Variants in TMTC1 observed in about 807,000 individuals in gnomAD.
TMTC1 encodes transmembrane O-mannosyltransferase targeting cadherins 1, also known as protein O-mannosyl-transferase TMTC1.
TMTC1 carries 73 observed loss-of-function variants against 104.8 expected under a neutral mutation model. The observed-to-expected ratio is 0.70, with a 90% CI of 0.58 to 0.85. The LOEUF is 0.85. Among genes scored for constraint, TMTC1 ranks in the 40% least tolerant of loss-of-function variants. The pLI, the probability that TMTC1 is intolerant of heterozygous loss-of-function variation, is 0.00. For missense variants in TMTC1, 1,035 were observed against 1,096.1 expected, an observed-to-expected ratio of 0.94 and a Z score of 0.79; for synonymous variants, 434 against 428.7, an observed-to-expected ratio of 1.01 and a Z score of -0.15.
At chr12:29,520,787 T>G in intron 11 of TMTC1, 67 bp from the exon 12 acceptor site, 1 of 1,311,978 alleles carries the variant, frequency 7.6e-7, no homozygotes, top group Non-Finnish European at 1.1e-6. Flanking sequence ...AACTGAATAT[T>G]AGGAGCAGGA....
intron 5 of TMTC1, among the ~76,000 whole-genome samples, chr12:29,726,165 C>T (rs1489955037): frequency 1.3e-5 from 2 of 152,164 alleles, no homozygotes; most frequent in South Asian, 2.1e-4. Flanking sequence ...CACCACCCTG[C>T]GCTGCTAGGC....
chr12:29,642,541 G>C (rs951758125), intron 5 of TMTC1, among the ~76,000 whole-genome samples: 1 of 152,020 alleles, frequency 6.6e-6, no homozygotes, highest in African/African-American at 2.4e-5. Context: ...AACAAATGCT[G>C]AGAGAATTCA....
At chr12:29,543,501 C>G (rs1005200147) in intron 10 of TMTC1, among the ~76,000 whole-genome samples, 2 of 152,144 alleles carry the variant, frequency 1.3e-5, no homozygotes, top group African/African-American at 2.4e-5. Context: ...TAAAATTTCC[C>G]ATTAACCACA....
intron 5 of TMTC1, among the ~76,000 whole-genome samples, chr12:29,669,615 A>G (rs1940427942): frequency 6.6e-6 from 1 of 152,224 alleles, no homozygotes. Context: ...ACCTTATCAT[A>G]AGAATAAGTG....
At chr12:29,724,299 T>C (rs1942321136) in intron 5 of TMTC1, among the ~76,000 whole-genome samples, 1 of 152,152 alleles carries the variant, frequency 6.6e-6, no homozygotes, top group African/African-American at 2.4e-5. Flanking sequence ...CTCTGCTGAG[T>C]GTGGTATATA....
chr12:29,764,881 T>C (rs182111494), intron 2 of TMTC1, among the ~76,000 whole-genome samples: 1 of 152,292 alleles, frequency 6.6e-6, no homozygotes, highest in East Asian at 1.9e-4. Flanking sequence ...GAACCAACCT[T>C]AACCAGTTCC....
At chr12:29,661,458 G>A (rs1047781441) in intron 5 of TMTC1, 2 of 427,508 alleles carry the variant, frequency 4.7e-6, no homozygotes, top group African/African-American at 2.5e-5. Flanking sequence ...AGTTTTGCTC[G>A]TCGCCCAGGC....
intron 6 of TMTC1, among the ~76,000 whole-genome samples, chr12:29,624,409 C>T (rs1937861172): frequency 6.6e-6 from 1 of 152,140 alleles, no homozygotes; most frequent in Non-Finnish European, 1.5e-5. Context: ...TAGGCGAAGG[C>T]TTAAAAAGAT....
intron 7 of TMTC1, among the ~76,000 whole-genome samples, chr12:29,593,167 G>A (rs1043082526): frequency 2.0e-5 from 3 of 152,194 alleles, no homozygotes; most frequent in Non-Finnish European, 4.4e-5. Context: ...AGTTCTGTGG[G>A]CACAGGACAA....
At chr12:29,525,034 T>G (rs1219133483) in intron 11 of TMTC1, among the ~76,000 whole-genome samples, 1 of 150,700 alleles carries the variant, frequency 6.6e-6, no homozygotes, top group Non-Finnish European at 1.5e-5. Flanking sequence ...CTGATTAGCT[T>G]TATCTTAAGG....
chr12:29,708,375 G>T (rs924912016), intron 5 of TMTC1, among the ~76,000 whole-genome samples: 1 of 152,118 alleles, frequency 6.6e-6, no homozygotes, highest in Non-Finnish European at 1.5e-5. Context: ...CATGAACAGC[G>T]CAGAGCAAAT....
chr12:29,620,819 T>C (rs1391551756), intron 6 of TMTC1, among the ~76,000 whole-genome samples: 1 of 152,122 alleles, frequency 6.6e-6, no homozygotes, highest in East Asian at 1.9e-4. Flanking sequence ...AGGTGGCAGG[T>C]GGAGAAGCCA....
At chr12:29,694,934 C>CAACAAAACAAAACAA (rs140290699) in intron 5 of TMTC1, among the ~76,000 whole-genome samples, 19 of 151,700 alleles carry the variant, frequency 1.3e-4, no homozygotes, top group African/African-American at 4.1e-4. Flanking sequence ...AACTCCATCT[C>CAACAAAACAAAACAA]AACAAAACAA....
intron 5 of TMTC1, among the ~76,000 whole-genome samples, chr12:29,745,433 G>A (rs988188464): frequency 2.0e-5 from 3 of 151,988 alleles, no homozygotes; most frequent in South Asian, 2.1e-4. Context: ...GACCAACCCG[G>A]CCAACATGGT....
chr12:29,772,827 C>A (rs1943625040), intron 1 of TMTC1, among the ~76,000 whole-genome samples: 1 of 152,140 alleles, frequency 6.6e-6, no homozygotes, highest in Admixed American at 6.5e-5. Context: ...TTAAAAAACT[C>A]ATTAACTATA....
intron 1 of TMTC1, among the ~76,000 whole-genome samples, chr12:29,776,351 C>T (rs1943706802): frequency 6.6e-6 from 1 of 152,194 alleles, no homozygotes; most frequent in African/African-American, 2.4e-5. Flanking sequence ...TCTCAGTAAA[C>T]AGAACCCATT....
intron 5 of TMTC1, among the ~76,000 whole-genome samples, chr12:29,749,272 C>T (rs1020631613): frequency 6.6e-6 from 1 of 152,068 alleles, no homozygotes; most frequent in African/African-American, 2.4e-5. Context: ...ATGAACATTC[C>T]TCCCACTAAC....
intron 10 of TMTC1, among the ~76,000 whole-genome samples, chr12:29,549,545 T>TA (rs1418600086): frequency 1.3e-4 from 19 of 150,962 alleles, no homozygotes; most frequent in South Asian, 2.1e-4. Context: ...TGCCTCAATT[T>TA]AAAAAAAAAC....
chr12:29,758,470 G>C (rs1943266998), intron 3 of TMTC1, among the ~76,000 whole-genome samples: 1 of 152,150 alleles, frequency 6.6e-6, no homozygotes, highest in African/African-American at 2.4e-5. Context: ...CAAGTGCTTG[G>C]GTTCCCAACA....
Sources: allele counts gnomAD v4.1 joint callset (sites outside exome capture counted in the v4.1 genomes callset), GRCh38; gene constraint gnomAD v4.1.1; transcripts MANE v1.5; gene names NCBI Gene and HGNC (gene_info 2026-07-23, HGNC 2026-07-21).